ATP2B2: variants seen among roughly 807,000 people sequenced by gnomAD.
ATP2B2 encodes the protein ATPase plasma membrane Ca2+ transporting 2.
A neutral mutation model predicts 120.0 loss-of-function variants in ATP2B2; 15 were observed. The observed-to-expected ratio is 0.12, with a 90% CI of 0.08 to 0.19. The LOEUF (loss-of-function observed/expected upper bound fraction) is 0.19. ATP2B2 is among the 10% of genes least tolerant of loss of function. ATP2B2 has a pLI of 1.00. For missense variants in ATP2B2, 1,045 were observed against 1,719.8 expected (o/e 0.61, Z 6.94); for synonymous variants, 694 against 700.3 (o/e 0.99, Z 0.14).
rs116226236 is a variant in ATP2B2, at chr3:10,466,090, G to A, written c.-319-16228C>T. ...AAGCCCTTTACAGCATCTCTGTTAA[G>A]CCCTGCTTGTGTTTGCATGCCCCCC... On this transcript the variant is annotated intron_variant, in intron 1 of 22. Coordinates refer to ENST00000360273, the MANE Select transcript of ATP2B2 (RefSeq NM_001001331.4). Among the ~76,000 whole-genome samples the A allele has an allele frequency of 1.8e-3, 280 of 152,318 alleles. 2 individuals are homozygous for A. Among genetic ancestry groups the A allele is most frequent in the African/African-American group, 6.0e-3 (251 of 41,572 alleles).
intron 5 of ATP2B2, among the ~76,000 whole-genome samples, chr3:10,391,534 C>A (rs558210721): frequency 6.6e-6 from 1 of 151,940 alleles, no homozygotes; most frequent in South Asian, 2.1e-4. Context: ...TCACTCCCAT[C>A]GCAGCAGGGA....
Position 10,372,198 on chromosome 3 carries a change from G to A in ATP2B2, c.1417-147C>T, listed in dbSNP as rs1394558284. ...CTTCCGGCACTTGTAAAGGATCTTG[G>A]TTGCTGCTGCCTCCTATACCTGGGC... On this transcript the variant is annotated intron_variant, in intron 11 of 22. Coordinates refer to ENST00000360273, the MANE Select transcript of ATP2B2 (RefSeq NM_001001331.4). 7 of 1,151,902 alleles carry A rather than the reference G, an allele frequency of 6.1e-6. No homozygotes were observed. The East Asian group carries it at 1.5e-4, about 25-fold the overall frequency. The allele number at this position is 1,151,902 out of a possible 1,614,324, so 71.4% of individuals were successfully genotyped here. A position where few individuals can be genotyped will look rare whatever the true frequency, so the allele number is the denominator to read the frequency against.
rs2060403610 is a variant in ATP2B2, at chr3:10,345,430, T to A, written c.2657A>T (p.Asn886Ile). The change falls in exon 18 of 23, where the codon AAC becomes ATC. Residue 886 changes from asparagine (N) to isoleucine (I), a missense_variant. Asn to Ile is a moderately radical substitution (Grantham distance 149). Coordinates refer to ENST00000360273, the MANE Select transcript of ATP2B2 (RefSeq NM_001001331.4). ...GAAGGCCACAATCACGGCCACCACG[T>A]TGACGGTGAGCTGGAACTGCAAGAA... The part of the protein sequence containing the change: ...SKFLQFQLTV[N>I]VVAVIVAFTG... The A allele has an allele frequency of 6.2e-7, 1 of 1,614,102 alleles. No individual in the cohort carries two copies.
intron 1 of ATP2B2, among the ~76,000 whole-genome samples, chr3:10,621,113 C>T (rs1241191846): frequency 2.0e-5 from 3 of 152,200 alleles, no homozygotes; most frequent in Non-Finnish European, 2.9e-5. Flanking sequence ...TTGCTCTGTC[C>T]TCTGGCACCC....
chr3:10,463,577 C>T (rs1395844017), intron 1 of ATP2B2, among the ~76,000 whole-genome samples: 5 of 152,190 alleles, frequency 3.3e-5, no homozygotes, highest in African/African-American at 7.2e-5. Flanking sequence ...AAAGAGATTG[C>T]GCGGGGTCAC....
chr3:10,450,841 C>G (rs1488946530), intron 1 of ATP2B2, among the ~76,000 whole-genome samples: 2 of 152,158 alleles, frequency 1.3e-5, no homozygotes, highest in African/African-American at 4.8e-5. Flanking sequence ...CCCCGACACC[C>G]AACACCAGAG....
chr3:10,456,777 A>T (rs772335631), intron 1 of ATP2B2, among the ~76,000 whole-genome samples: 5 of 152,198 alleles, frequency 3.3e-5, no homozygotes, highest in Non-Finnish European at 4.4e-5. Flanking sequence ...TCTGGTCTTG[A>T]TGAACTACTT....
intron 2 of ATP2B2, among the ~76,000 whole-genome samples, chr3:10,551,157 G>C (rs1011368072): frequency 6.6e-6 from 1 of 152,188 alleles, no homozygotes; most frequent in South Asian, 2.1e-4. Flanking sequence ...ATAACTACAC[G>C]TATTTTCTAC....
chr3:10,606,330 G>C (rs2069065282), intron 2 of ATP2B2, among the ~76,000 whole-genome samples: 1 of 152,112 alleles, frequency 6.6e-6, no homozygotes, highest in Non-Finnish European at 1.5e-5. Context: ...TGTGAGAGGA[G>C]GCAATGCATG....
intron 1 of ATP2B2, among the ~76,000 whole-genome samples, chr3:10,682,278 T>C (rs554583027): frequency 5.9e-5 from 9 of 152,300 alleles, no homozygotes; most frequent in African/African-American, 2.2e-4. Flanking sequence ...CTGACTCCCA[T>C]TTAAATGAAT....
Position 10,350,363 on chromosome 3 carries a change from G to C in ATP2B2, c.2316+35C>G, listed in dbSNP as rs752242986. On this transcript the variant is annotated intron_variant, in intron 15 of 22. Transcript: ENST00000360273. ...TACCTCCCAGCTCCCATCTGAGCGC[G>C]TTCCCCTGAGGATGCTTTACGTTGG... The C allele has an allele frequency of 1.9e-6, 3 of 1,613,814 alleles. No individual in the cohort carries two copies. The African/African-American group carries it at 4.0e-5, about 22-fold the overall frequency.
chr3:10,531,083 G>A (rs887434319), intron 3 of ATP2B2, among the ~76,000 whole-genome samples: 1 of 152,214 alleles, frequency 6.6e-6, no homozygotes, highest in Non-Finnish European at 1.5e-5. Context: ...AGTGACTCGA[G>A]CTGCTTTGTG....
At chr3:10,496,593 G>T (rs1349382946) in intron 1 of ATP2B2, among the ~76,000 whole-genome samples, 1 of 151,910 alleles carries the variant, frequency 6.6e-6, no homozygotes, top group Admixed American at 6.6e-5. Context: ...TCTCCTGAGC[G>T]CTGTCTCATG....
intron 2 of ATP2B2, among the ~76,000 whole-genome samples, chr3:10,428,651 A>G (rs2063216355): frequency 2.0e-5 from 3 of 152,198 alleles, no homozygotes; most frequent in Admixed American, 2.0e-4. Context: ...ATCACAGTCC[A>G]TTGAGTTCTG....
chr3:10,373,623 G>C lies in ATP2B2; in HGVS notation c.1417-1572C>G, dbSNP rs113051931. Among the ~76,000 whole-genome samples the C allele has an allele frequency of 2.8e-3, 424 of 151,598 alleles. 2 individuals are homozygous for C. The highest frequency in any genetic ancestry group is 9.8e-3 in the African/African-American group (403 of 40,924). Reference sequence around the variant, plus strand: ...CACACATTGGATTGATAATAAGTTGGATAATAGTGTTGGATTTGACATACT... The same window carrying C: ...CACACATTGGATTGATAATAAGTTGCATAATAGTGTTGGATTTGACATACT... On this transcript the variant is annotated intron_variant, in intron 11 of 22. Transcript: ENST00000360273.
At position 10,347,744 on chromosome 3, in the gene ATP2B2, G is replaced by A. The variant is rs1381502424; in HGVS notation, c.2405-1607C>T. ...CTGCCCTGTGGCTCCCAGGTGGTGC[G>A]GACCGTTGCGTAGCTCAAGCTGTGC... On this transcript the variant is annotated intron_variant, in intron 16 of 22. Transcript: ENST00000360273. This position sits in a 1 kb window ranked among gnomAD's most constrained non-coding sequence, Gnocchi z 5.2. Among the ~76,000 whole-genome samples, 3 of 152,302 alleles carry A rather than the reference G, an allele frequency of 2.0e-5. No homozygotes were observed. Among genetic ancestry groups the A allele is most frequent in the Non-Finnish European group, 2.9e-5 (2 of 68,012 alleles).
At chr3:10,483,982 C>T (rs980283768) in intron 1 of ATP2B2, among the ~76,000 whole-genome samples, 1 of 152,166 alleles carries the variant, frequency 6.6e-6, no homozygotes, top group African/African-American at 2.4e-5. Flanking sequence ...GAAAGATGCC[C>T]CCTGGGGAGT....
intron 2 of ATP2B2, among the ~76,000 whole-genome samples, chr3:10,580,752 T>C (rs781678601): frequency 3.1e-4 from 47 of 152,316 alleles, no homozygotes; most frequent in Non-Finnish European, 5.1e-4. Flanking sequence ...AGAGATCACA[T>C]AGGTTTCTCC....
intron 1 of ATP2B2, among the ~76,000 whole-genome samples, chr3:10,665,979 T>C (rs531821050): frequency 1.3e-5 from 2 of 152,306 alleles, no homozygotes; most frequent in East Asian, 3.9e-4. Flanking sequence ...CCCCTCACTA[T>C]GCATTTCATA....
Sources: allele counts gnomAD v4.1 joint callset (sites outside exome capture counted in the v4.1 genomes callset), GRCh38; gene constraint gnomAD v4.1.1; non-coding constraint Gnocchi (gnomAD v3.1); transcripts MANE v1.5; gene names NCBI Gene and HGNC (gene_info 2026-07-23, HGNC 2026-07-21).